TAFA5: variants seen among roughly 807,000 people sequenced by gnomAD.
TAFA5 encodes the protein TAFA chemokine like family member 5, also known as chemokine-like protein TAFA-5.
A neutral mutation model predicts 15.3 loss-of-function variants in TAFA5; 6 were observed. The observed-to-expected ratio is 0.39, with a 90% CI of 0.21 to 0.77. TAFA5 has a LOEUF of 0.77. Ranked by LOEUF, TAFA5 falls within the 30% of genes least tolerant of loss-of-function variation. The pLI, the probability that TAFA5 is intolerant of heterozygous loss-of-function variation, is 0.41. For synonymous variants in TAFA5, 103 were observed against 80.7 expected (o/e 1.28, Z -1.48); for missense variants, 161 against 193.1 (o/e 0.83, Z 0.98).
At chr22:48,513,114 G>A (rs953334318) in intron 1 of TAFA5, among the ~76,000 whole-genome samples, 1 of 152,100 alleles carries the variant, frequency 6.6e-6, no homozygotes, top group Non-Finnish European at 1.5e-5. Context: ...GCCTGTTTAT[G>A]TGCAGAGGGT....
At position 48,514,065 on chromosome 22, in the gene TAFA5, C is replaced by G. The variant is rs548409962; in HGVS notation, c.112+24361C>G. 1.1e-4 allele frequency among the ~76,000 whole-genome samples: 16 copies of G among 152,144 alleles called. 1 individual carries two copies. The South Asian group carries it at 3.1e-3, about 30-fold the overall frequency. Reference sequence around the variant, plus strand: ...CTCCCCGTCTTGGGGCCAAGCACTTCGAGGCTGTGAGAAAGAAGCTCAGTG... The same window carrying G: ...CTCCCCGTCTTGGGGCCAAGCACTTGGAGGCTGTGAGAAAGAAGCTCAGTG... On this transcript the variant is annotated intron_variant, in intron 1 of 3. Transcript: ENST00000402357.
chr22:48,505,217 C>A (rs576861219), intron 1 of TAFA5, among the ~76,000 whole-genome samples: 15 of 152,220 alleles, frequency 9.9e-5, no homozygotes, highest in African/African-American at 1.7e-4. Flanking sequence ...ACTCCATCTC[C>A]GTGACAAGTC....
chr22:48,584,718 A>T (rs1012497608), intron 1 of TAFA5, among the ~76,000 whole-genome samples: 2 of 147,006 alleles, frequency 1.4e-5, no homozygotes, highest in African/African-American at 2.5e-5. Flanking sequence ...TGCACCACAC[A>T]CCCCACACGC....
chr22:48,516,892 C>A (rs546776682), intron 1 of TAFA5, among the ~76,000 whole-genome samples: 1 of 152,216 alleles, frequency 6.6e-6, no homozygotes, highest in Non-Finnish European at 1.5e-5. Context: ...CCATCCAGGT[C>A]CTGCTCTCAG....
At chr22:48,541,114 TCTC>T (rs1922355954) in intron 1 of TAFA5, among the ~76,000 whole-genome samples, 1 of 152,058 alleles carries the variant, frequency 6.6e-6, no homozygotes, top group Non-Finnish European at 1.5e-5. Context: ...CGGCAGCACT[TCTC>T]AAGACTTTGC....
At position 48,560,567 on chromosome 22, in the gene TAFA5, T is replaced by TTTATTA. The variant is rs369448502; in HGVS notation, c.112+70883_112+70888dup. 4.2e-5 allele frequency among the ~76,000 whole-genome samples: 6 copies of TTTATTA among 144,230 alleles called. No individual in the cohort carries two copies. The highest frequency in any genetic ancestry group is 9.2e-5 in the Non-Finnish European group (6 of 64,928). The allele number at this position is 144,230 out of a possible 152,430, so 94.6% of individuals were successfully genotyped here. ...CACTGGGCCATGAAAAACGTTGTAT[T>TTTATTA]TTATTATTATTATTATTATTATTAT... On this transcript the variant is annotated intron_variant, in intron 1 of 3. Coordinates refer to ENST00000402357, the MANE Select transcript of TAFA5 (RefSeq NM_001082967.3). This position sits in a 1 kb window ranked among gnomAD's most constrained non-coding sequence, Gnocchi z 4.2.
chr22:48,744,117 G>T (rs1930259334), intron 3 of TAFA5, among the ~76,000 whole-genome samples: 1 of 152,224 alleles, frequency 6.6e-6, no homozygotes, highest in Admixed American at 6.5e-5. Context: ...ACGGCACGGG[G>T]GTGGCCTCGT....
At chr22:48,513,945 T>C (rs1324608252) in intron 1 of TAFA5, among the ~76,000 whole-genome samples, 1 of 152,102 alleles carries the variant, frequency 6.6e-6, no homozygotes, top group African/African-American at 2.4e-5. Context: ...GAAAGGGGGA[T>C]GATCCAGTCC....
chr22:48,536,978 G>A (rs938613251), intron 1 of TAFA5, among the ~76,000 whole-genome samples: 21 of 152,186 alleles, frequency 1.4e-4, no homozygotes, highest in Admixed American at 3.3e-4. Flanking sequence ...GACCTGGGAC[G>A]GGGGCTCCCT....
chr22:48,734,371 T>C (rs1015212137), intron 3 of TAFA5, among the ~76,000 whole-genome samples: 4 of 152,256 alleles, frequency 2.6e-5, no homozygotes, highest in Non-Finnish European at 5.9e-5. Context: ...GAATCCAGTT[T>C]CCCATGGGTT....
At chr22:48,644,566 TG>T (rs1272670304) in intron 1 of TAFA5, among the ~76,000 whole-genome samples, 2 of 152,130 alleles carry the variant, frequency 1.3e-5, no homozygotes, top group Non-Finnish European at 2.9e-5. Context: ...TGTTGGGTGT[TG>T]GGATGAGAGA....
rs576763884 is a variant in TAFA5 at position 48,578,155 on chromosome 22, C to A, written c.113-68442C>A. 3.3e-5 allele frequency among the ~76,000 whole-genome samples: 5 copies of A among 152,294 alleles called. No individual in the cohort carries two copies. The South Asian group carries it at 1.0e-3, about 32-fold the overall frequency. On this transcript the variant is annotated intron_variant, in intron 1 of 3. Transcript: ENST00000402357. ...TCGAAGTCTCTGGGGGATTGGCTTG[C>A]GGAAAGGGCGTGTATGTGAAAATTT...
intron 2 of TAFA5, among the ~76,000 whole-genome samples, chr22:48,660,098 C>T (rs1159362019): frequency 6.6e-6 from 1 of 150,838 alleles, no homozygotes; most frequent in African/African-American, 2.5e-5. Flanking sequence ...CCAGTTCACC[C>T]TTCTAGGGGG....
intron 3 of TAFA5, among the ~76,000 whole-genome samples, chr22:48,732,827 C>G (rs890947438): frequency 3.3e-5 from 5 of 152,208 alleles, no homozygotes; most frequent in Admixed American, 3.3e-4. Context: ...TCCTCCTCAA[C>G]CTTCAGCAAC....
At chr22:48,591,807 G>C (rs73173426) in intron 1 of TAFA5, among the ~76,000 whole-genome samples, 10,376 of 152,224 alleles carry the variant, frequency 0.068, 431 homozygotes, top group South Asian at 0.2. Context: ...CACTGGGCTC[G>C]CGGAAGCCCA....
chr22:48,726,975 G>C (rs1432197704), intron 3 of TAFA5, among the ~76,000 whole-genome samples: 2 of 152,102 alleles, frequency 1.3e-5, no homozygotes, highest in African/African-American at 4.8e-5. Flanking sequence ...CACACATTCA[G>C]GTGTATCTTC....
chr22:48,683,365 G>T (rs132223), intron 2 of TAFA5, among the ~76,000 whole-genome samples: 8 of 152,232 alleles, frequency 5.3e-5, no homozygotes, highest in Non-Finnish European at 8.8e-5. Flanking sequence ...GCCAGGTACG[G>T]CACTTGCTGG....
rs971144458 is a variant in TAFA5, at chr22:48,750,210, G to A, written c.*363G>A. On this transcript the variant is annotated 3_prime_UTR_variant, in exon 4 of 4. Coordinates refer to ENST00000402357, the MANE Select transcript of TAFA5 (RefSeq NM_001082967.3). ...GCCACAGAAGGCTGCAGCCCAGCCCGCCTGAGACACGACGCCTGCCCCAGG... is the reference window on the plus strand; with the variant it reads ...GCCACAGAAGGCTGCAGCCCAGCCCACCTGAGACACGACGCCTGCCCCAGG... 14 of 360,724 alleles carry A rather than the reference G, an allele frequency of 3.9e-5. No homozygotes were observed. Among genetic ancestry groups the A allele is most frequent in the Non-Finnish European group, 4.6e-5 (9 of 196,212 alleles). The allele number at this position is 360,724 out of a possible 1,614,324, so 22.3% of individuals were successfully genotyped here. A position where few individuals can be genotyped will look rare whatever the true frequency, so the allele number is the denominator to read the frequency against.
At chr22:48,542,515 G>A (rs1462605197) in intron 1 of TAFA5, among the ~76,000 whole-genome samples, 1 of 132,072 alleles carries the variant, frequency 7.6e-6, no homozygotes, top group East Asian at 2.3e-4. Context: ...TGTGGCATGT[G>A]TGTGTGCATG....
Sources: gnomAD v4.1 joint callset for allele counts (sites outside exome capture counted in the v4.1 genomes callset) on GRCh38, gnomAD v4.1.1 for gene constraint, Gnocchi (gnomAD v3.1) non-coding constraint, MANE v1.5 for transcripts, NCBI Gene and HGNC (gene_info 2026-07-23, HGNC 2026-07-21) for gene names.